SHROOM2: variants seen among roughly 807,000 people sequenced by gnomAD.
SHROOM2 encodes shroom family member 2.
SHROOM2 carries 33 observed loss-of-function variants against 75.9 expected under a neutral mutation model. The ratio of observed to expected loss-of-function variants is 0.43; its 90% CI spans 0.33 to 0.58. The LOEUF (loss-of-function observed/expected upper bound fraction) is 0.58. Ranked by LOEUF, SHROOM2 falls within the 20% of genes least tolerant of loss-of-function variation. SHROOM2 has a pLI of 0.04. For synonymous variants in SHROOM2, 655 were observed against 663.6 expected, an observed-to-expected ratio of 0.99 and a Z score of 0.20; for missense variants, 1,434 against 1,461.2, an observed-to-expected ratio of 0.98 and a Z score of 0.30.
intron 3 of SHROOM2, among the ~76,000 whole-genome samples, chrX:9,893,805 T>G (rs1601971946): frequency 9.1e-6 from 1 of 109,515 alleles, no homozygotes; most frequent in East Asian, 2.9e-4. Context: ...TACAACAAAA[T>G]TAGCCGGGCA....
chrX:9,890,907 C>T (rs190969356), intron 2 of SHROOM2, 70 bp from the exon 3 acceptor site: 1 of 1,090,092 alleles, frequency 9.2e-7, no homozygotes, highest in Non-Finnish European at 1.2e-6. Context: ...AAGCCCCCTG[C>T]ACTGTTTGGC....
Position 9,856,890 on chromosome X carries a change from C to T in SHROOM2, c.166-16762C>T, listed in dbSNP as rs979260321. ...AGCTGACTTCTGCCTTTCCCCCATC[C>T]GCTGGGACCGCACATGCCACCCTGC... On this transcript the variant is annotated intron_variant, in intron 1 of 9. Coordinates refer to ENST00000380913, the MANE Select transcript of SHROOM2 (RefSeq NM_001649.4). Among the ~76,000 whole-genome samples, 6 of 112,539 alleles carry T rather than the reference C, an allele frequency of 5.3e-5. No individual in the cohort carries two copies. The Admixed American group carries it at 5.6e-4, about 11-fold the overall frequency.
chrX:9,828,819 G>A (rs978188774), intron 1 of SHROOM2, among the ~76,000 whole-genome samples: 1 of 111,320 alleles, frequency 9.0e-6, no homozygotes. Flanking sequence ...ACAATTTTAC[G>A]AATGGCAAAG....
At chrX:9,921,782 C>T (rs1293805542) in intron 5 of SHROOM2, among the ~76,000 whole-genome samples, 3 of 112,237 alleles carry the variant, frequency 2.7e-5, no homozygotes, top group African/African-American at 9.7e-5. Context: ...GCAAGATTTC[C>T]CTCCTTTTTA....
intron 1 of SHROOM2, among the ~76,000 whole-genome samples, chrX:9,861,972 T>G (rs2084106409): frequency 9.0e-6 from 1 of 111,644 alleles, no homozygotes; most frequent in Non-Finnish European, 1.9e-5. Context: ...AGCCACACAG[T>G]AGTTGGAACA....
chrX:9,855,292 T>C (rs1211717206), intron 1 of SHROOM2, among the ~76,000 whole-genome samples: 1 of 8,097 alleles, frequency 1.2e-4, no homozygotes, highest in Admixed American at 2.2e-3. Flanking sequence ...ACTTAAAGTA[T>C]AGTAAAAAAA....
At chrX:9,939,067 G>C (rs1396867683) in intron 7 of SHROOM2, 128 bp from the exon 8 acceptor site, 1 of 510,052 alleles carries the variant, frequency 2.0e-6, no homozygotes, top group African/African-American at 2.4e-5. Flanking sequence ...CCCTTTGGCT[G>C]TCTCATCTCC....
chrX:9,832,465 G>A (rs2083921493), intron 1 of SHROOM2, among the ~76,000 whole-genome samples: 1 of 111,835 alleles, frequency 8.9e-6, no homozygotes, highest in Non-Finnish European at 1.9e-5. Flanking sequence ...TCTCTTGGTC[G>A]AGTCTTTTGG....
At chrX:9,934,640 C>T (rs548563121) in intron 6 of SHROOM2, among the ~76,000 whole-genome samples, 1 of 111,304 alleles carries the variant, frequency 9.0e-6, no homozygotes, top group African/African-American at 3.3e-5. Flanking sequence ...ATTTTGAAGT[C>T]AAGGCTCGTG....
At chrX:9,830,444 A>G (rs2083909369) in intron 1 of SHROOM2, among the ~76,000 whole-genome samples, 1 of 110,893 alleles carries the variant, frequency 9.0e-6, no homozygotes, top group South Asian at 3.8e-4. Flanking sequence ...CTGAATTGGA[A>G]GTGGCATCCT....
chrX:9,922,086 G>A (rs763203549), intron 5 of SHROOM2, among the ~76,000 whole-genome samples: 5 of 111,989 alleles, frequency 4.5e-5, no homozygotes, highest in Non-Finnish European at 7.5e-5. Context: ...TGAGTTCTCT[G>A]TCTGTTGCCC....
intron 5 of SHROOM2, among the ~76,000 whole-genome samples, chrX:9,900,632 A>G (rs1250656023): frequency 8.9e-6 from 1 of 112,207 alleles, no homozygotes; most frequent in African/African-American, 3.2e-5. Flanking sequence ...TCCTGTTAAT[A>G]TAAAGACAAG....
At chrX:9,903,921 C>G (rs375582027) in intron 5 of SHROOM2, among the ~76,000 whole-genome samples, 1 of 110,833 alleles carries the variant, frequency 9.0e-6, no homozygotes, top group African/African-American at 3.3e-5. Flanking sequence ...AACCCAGGAC[C>G]GAGACAGGCG....
intron 1 of SHROOM2, chrX:9,819,409 TCAGA>T: frequency 2.3e-6 from 1 of 433,494 alleles, no homozygotes. Flanking sequence ...ACCTTGGCAA[TCAGA>T]CAGGGCATCT....
intron 1 of SHROOM2, among the ~76,000 whole-genome samples, chrX:9,807,862 G>C (rs749386489): frequency 9.0e-6 from 1 of 111,622 alleles, no homozygotes; most frequent in South Asian, 3.8e-4. Context: ...TAACTTGACT[G>C]CTTCTGAAGT....
chrX:9,848,510 C>CAAAAAAAAAA (rs774991614), intron 1 of SHROOM2, among the ~76,000 whole-genome samples: 559 of 21,930 alleles, frequency 0.025, 79 homozygotes, highest in Non-Finnish European at 0.038. Flanking sequence ...GACTCCGTCT[C>CAAAAAAAAAA]AAAAAAAAAA....
intron 1 of SHROOM2, chrX:9,819,193 G>T: frequency 1.8e-6 from 2 of 1,092,903 alleles, no homozygotes; most frequent in Non-Finnish European, 2.5e-6. Flanking sequence ...TCTGTTTCAG[G>T]ATTCTCACAT....
chrX:9,814,108 A>G (rs901321938), intron 1 of SHROOM2, among the ~76,000 whole-genome samples: 5 of 111,615 alleles, frequency 4.5e-5, no homozygotes, highest in African/African-American at 1.6e-4. Flanking sequence ...GAGTAGGTCT[A>G]AAGTGGCTAA....
In SHROOM2 at chrX:9,879,556, C is replaced by T. The variant is rs190376898; in HGVS notation, c.317+5753C>T. Among the ~76,000 whole-genome samples the T allele has an allele frequency of 6.2e-5, 7 of 112,608 alleles. No homozygotes were observed. In the East Asian group the frequency reaches 1.7e-3, roughly 27 times the overall value. On this transcript the variant is annotated intron_variant, in intron 2 of 9. Coordinates refer to ENST00000380913, the MANE Select transcript of SHROOM2 (RefSeq NM_001649.4). The stretch of plus-strand genomic sequence containing the variant: ...GATTACAGGCGTGAGCCACTGCACC[C>T]GGCCAGCTTATTGTTTTTATTAAGT...
Sources: allele counts gnomAD v4.1 joint callset (sites outside exome capture counted in the v4.1 genomes callset), GRCh38; gene constraint gnomAD v4.1.1; transcripts MANE v1.5; gene names NCBI Gene and HGNC (gene_info 2026-07-23, HGNC 2026-07-21).